CDH18: variants seen among roughly 807,000 people sequenced by gnomAD.
CDH18 encodes the protein cadherin 18.
In CDH18, 31 loss-of-function variants were observed where a neutral mutation model predicts 67.9. That is an observed-to-expected ratio of 0.46 (90% CI 0.34 to 0.62). CDH18 has a LOEUF of 0.62. Among genes scored for constraint, CDH18 ranks in the 20% least tolerant of loss-of-function variants. The pLI is 0.01. For synonymous variants in CDH18, 362 were observed against 347.2 expected, an observed-to-expected ratio of 1.04 and a Z score of -0.48; for missense variants, 890 against 975.5, an observed-to-expected ratio of 0.91 and a Z score of 1.17.
chr5:20,027,424 C>A (rs956876868), intron 2 of CDH18, among the ~76,000 whole-genome samples: 1 of 152,126 alleles, frequency 6.6e-6, no homozygotes, highest in Non-Finnish European at 1.5e-5. Flanking sequence ...GAATTGGTGA[C>A]AATTGGTTAT....
intron 2 of CDH18, among the ~76,000 whole-genome samples, chr5:19,910,019 C>A (rs1790952659): frequency 6.6e-6 from 1 of 152,212 alleles, no homozygotes; most frequent in East Asian, 1.9e-4. Flanking sequence ...AATAAACATC[C>A]TTTATGGGTC....
chr5:19,921,446 G>A (rs1217984386), intron 2 of CDH18, among the ~76,000 whole-genome samples: 1 of 151,458 alleles, frequency 6.6e-6, no homozygotes, highest in Non-Finnish European at 1.5e-5. Flanking sequence ...CAGGAGAATG[G>A]TGTGAACCCG....
At chr5:20,170,512 T>A (rs1736615523) in intron 2 of CDH18, among the ~76,000 whole-genome samples, 1 of 152,048 alleles carries the variant, frequency 6.6e-6, no homozygotes, top group African/African-American at 2.4e-5. Context: ...TTAATATAAA[T>A]ATGTAAAATA....
chr5:19,890,493 C>A (rs1788670270), intron 2 of CDH18, among the ~76,000 whole-genome samples: 2 of 152,012 alleles, frequency 1.3e-5, no homozygotes, highest in Admixed American at 6.6e-5. Context: ...AAGCTCCATT[C>A]AAAGATACTT....
At chr5:20,437,067 A>G (rs1749222861) in intron 1 of CDH18, among the ~76,000 whole-genome samples, 1 of 149,342 alleles carries the variant, frequency 6.7e-6, no homozygotes, top group South Asian at 2.1e-4. Context: ...TTAATTGCTA[A>G]CAAATTGTTA....
At chr5:20,153,178 G>A (rs1461879325) in intron 2 of CDH18, among the ~76,000 whole-genome samples, 1 of 151,848 alleles carries the variant, frequency 6.6e-6, no homozygotes, top group Admixed American at 6.6e-5. Flanking sequence ...TCCTGACCTT[G>A]TGATCTGCTT....
At chr5:20,436,351 T>C (rs556414081) in intron 1 of CDH18, among the ~76,000 whole-genome samples, 2 of 152,042 alleles carry the variant, frequency 1.3e-5, no homozygotes, top group Admixed American at 6.6e-5. Context: ...AATTCTTAAA[T>C]TGAAATTGAA....
chr5:19,512,085 C>A (rs1349569622), intron 10 of CDH18, among the ~76,000 whole-genome samples: 1 of 152,126 alleles, frequency 6.6e-6, no homozygotes, highest in Non-Finnish European at 1.5e-5. Flanking sequence ...CAATACACAG[C>A]TCAGCCCATT....
intron 1 of CDH18, among the ~76,000 whole-genome samples, chr5:20,499,323 A>T (rs927122133): frequency 3.3e-5 from 5 of 152,152 alleles, no homozygotes; most frequent in African/African-American, 9.7e-5. Context: ...AATGCTATGG[A>T]AATATTTAAT....
At chr5:20,288,321 G>A (rs1746841862) in intron 1 of CDH18, among the ~76,000 whole-genome samples, 1 of 151,552 alleles carries the variant, frequency 6.6e-6, no homozygotes, top group Non-Finnish European at 1.5e-5. Flanking sequence ...TGGTGAGAAA[G>A]GTTTAGTTGG....
intron 2 of CDH18, among the ~76,000 whole-genome samples, chr5:20,094,672 C>A (rs1420232775): frequency 6.6e-6 from 1 of 152,060 alleles, no homozygotes; most frequent in Admixed American, 6.6e-5. Context: ...TTGAAGAGGT[C>A]CTTCACATCC....
chr5:20,095,756 G>A (rs551572179), intron 2 of CDH18, among the ~76,000 whole-genome samples: 1 of 151,226 alleles, frequency 6.6e-6, no homozygotes, highest in South Asian at 2.1e-4. Flanking sequence ...GAAGTTATAA[G>A]CTACAGACTT....
intron 5 of CDH18, among the ~76,000 whole-genome samples, chr5:19,634,864 G>A (rs1752908485): frequency 6.6e-6 from 1 of 151,600 alleles, no homozygotes; most frequent in Non-Finnish European, 1.5e-5. Flanking sequence ...TTGAACCCGG[G>A]AGGCGGAGGT....
At chr5:19,938,000 A>G (rs1167750173) in intron 2 of CDH18, among the ~76,000 whole-genome samples, 9 of 148,002 alleles carry the variant, frequency 6.1e-5, no homozygotes, top group Non-Finnish European at 4.5e-5. Flanking sequence ...CAAATAAAAT[A>G]TATTTGCTAT....
At chr5:20,433,187 C>A (rs1386659583) in intron 1 of CDH18, among the ~76,000 whole-genome samples, 1 of 150,932 alleles carries the variant, frequency 6.6e-6, no homozygotes, top group East Asian at 2.0e-4. Flanking sequence ...CCCAAGAATG[C>A]AACAGTATTT....
chr5:19,596,183 G>A (rs1348494146), intron 6 of CDH18, among the ~76,000 whole-genome samples: 1 of 152,170 alleles, frequency 6.6e-6, no homozygotes, highest in Non-Finnish European at 1.5e-5. Flanking sequence ...ATACTAAGAA[G>A]AGGCTTTTGT....
At chr5:19,807,703 C>T (rs986280804) in intron 3 of CDH18, among the ~76,000 whole-genome samples, 2 of 152,204 alleles carry the variant, frequency 1.3e-5, no homozygotes, top group African/African-American at 4.8e-5. Context: ...ACACAAAACA[C>T]ATCAGCATTT....
chr5:20,046,914 A>T (rs2150482602), intron 2 of CDH18, among the ~76,000 whole-genome samples: 1 of 151,962 alleles, frequency 6.6e-6, no homozygotes, highest in South Asian at 2.1e-4. Flanking sequence ...ATTTTGCCGT[A>T]AGGCGAGAGC....
At chr5:19,678,231 C>T (rs532962868) in intron 5 of CDH18, among the ~76,000 whole-genome samples, 1 of 125,878 alleles carries the variant, frequency 7.9e-6, no homozygotes, top group Non-Finnish European at 1.7e-5. Context: ...AAACATAAAA[C>T]AATCCTCAGC....
Sources: gnomAD v4.1 joint callset for allele counts (sites outside exome capture counted in the v4.1 genomes callset) on GRCh38, gnomAD v4.1.1 for gene constraint, MANE v1.5 for transcripts, NCBI Gene and HGNC (gene_info 2026-07-23, HGNC 2026-07-21) for gene names.